ISM1: variants seen among roughly 807,000 people sequenced by gnomAD.
ISM1 encodes the protein isthmin-1.
ISM1 carries 25 observed loss-of-function variants against 46.3 expected under a neutral mutation model. That is an observed-to-expected ratio of 0.54 (90% confidence interval 0.39 to 0.75). The LOEUF is 0.75. ISM1 is among the 30% of genes least tolerant of loss of function. The pLI is 0.00. For missense variants in ISM1, 536 were observed against 625.4 expected (o/e 0.86, Z 1.52); for synonymous variants, 255 against 256.7 (o/e 0.99, Z 0.06).
downstream of ISM1, among the ~76,000 whole-genome samples, chr20:13,304,936 G>C (rs73082237): frequency 8.6e-5 from 13 of 152,024 alleles, no homozygotes; most frequent in Non-Finnish European, 1.5e-4. Context: ...CTTGCTCAGC[G>C]CCATCTCTCA....
intron 3 of ISM1, 88 bp from the exon 4 acceptor site, chr20:13,288,452 A>G (rs1228609633): frequency 5.1e-6 from 7 of 1,385,172 alleles, no homozygotes; most frequent in Non-Finnish European, 7.0e-6. Flanking sequence ...CGAGAAGGAT[A>G]GAAGTGAATA....
Position 13,237,089 on chromosome 20 carries a change from A to G in ISM1, c.138+15175A>G, listed in dbSNP as rs186438865. ...ACATTTCCCTTCTGCACTGCCCTAG[A>G]AGAGGTTCTTCATGAGGACCCTGCC... On this transcript the variant is annotated intron_variant, in intron 1 of 5. Transcript: ENST00000262487. Among the ~76,000 whole-genome samples the G allele has an allele frequency of 3.1e-3, 465 of 152,298 alleles. 2 individuals carry two copies. The highest frequency in any genetic ancestry group is 0.011 in the African/African-American group (451 of 41,572).
At chr20:13,285,973 G>A (rs1356314037) in intron 3 of ISM1, among the ~76,000 whole-genome samples, 1 of 152,146 alleles carries the variant, frequency 6.6e-6, no homozygotes, top group Non-Finnish European at 1.5e-5. Context: ...GCAAAGCCAA[G>A]AACACCATTT....
the ISM1 span, among the ~76,000 whole-genome samples, chr20:13,314,127 A>G: frequency 6.6e-6 from 1 of 152,182 alleles, no homozygotes; most frequent in East Asian, 1.9e-4. Flanking sequence ...CAGAACAGTC[A>G]AGACTTAGAG....
At chr20:13,280,460 A>G (rs2040227710) in intron 3 of ISM1, among the ~76,000 whole-genome samples, 1 of 147,724 alleles carries the variant, frequency 6.8e-6, no homozygotes, top group African/African-American at 2.5e-5. Context: ...TGGGAGTAGG[A>G]TAAGTGAGGT....
intron 2 of ISM1, among the ~76,000 whole-genome samples, chr20:13,277,470 T>C (rs896888022): frequency 6.6e-6 from 1 of 152,174 alleles, no homozygotes; most frequent in Non-Finnish European, 1.5e-5. Context: ...AGCATCGCCC[T>C]GTCACTGCCC....
chr20:13,254,253 A>G (rs1394108490), intron 1 of ISM1, among the ~76,000 whole-genome samples: 1 of 151,584 alleles, frequency 6.6e-6, no homozygotes, highest in Admixed American at 6.6e-5. Context: ...AAATAAATAA[A>G]TAAAGCAAAT....
At chr20:13,303,096 G>A (rs2040472440), downstream of ISM1, among the ~76,000 whole-genome samples, 1 of 152,146 alleles carries the variant, frequency 6.6e-6, no homozygotes, top group African/African-American at 2.4e-5. Context: ...TATAGATAAG[G>A]AAAAGAAGCC....
At chr20:13,285,509 G>T (rs547401543) in intron 3 of ISM1, among the ~76,000 whole-genome samples, 1 of 152,202 alleles carries the variant, frequency 6.6e-6, no homozygotes, top group South Asian at 2.1e-4. Context: ...TCTCTCCACT[G>T]GTCCCTCCCC....
rs1233926581 is a variant in ISM1, at chr20:13,268,154, C to CT, written c.139-2350_139-2349insT. ...CTCTTCTCTTCTCTTCTCTTCTCTT[C>CT]CCTTCCCTTCTCTCCTCTCCTCTCC... On this transcript the variant is annotated intron_variant, in intron 1 of 5. Coordinates refer to ENST00000262487, the MANE Select transcript of ISM1 (RefSeq NM_080826.2). 4.4e-3 allele frequency among the ~76,000 whole-genome samples: 660 copies of CT among 149,044 alleles called. 6 individuals carry two copies. The highest frequency in any genetic ancestry group is 0.014 in the African/African-American group (545 of 40,238).
chr20:13,280,950 G>T (rs1225086475), intron 3 of ISM1, among the ~76,000 whole-genome samples: 2 of 152,206 alleles, frequency 1.3e-5, no homozygotes, highest in Non-Finnish European at 2.9e-5. Context: ...ACTTTGGAAT[G>T]AGCAGTATAT....
chr20:13,229,374 G>A (rs112608586), intron 1 of ISM1, among the ~76,000 whole-genome samples: 3,008 of 152,178 alleles, frequency 0.02, 41 homozygotes, highest in Non-Finnish European at 0.022. Context: ...TTCCATTACC[G>A]TAGATTAGTT....
intron 1 of ISM1, among the ~76,000 whole-genome samples, chr20:13,231,715 A>G (rs984825364): frequency 2.0e-5 from 3 of 152,324 alleles, no homozygotes; most frequent in African/African-American, 7.2e-5. Flanking sequence ...ACACACATCC[A>G]TTAGACAGCA....
chr20:13,268,475 C>T (rs1454816415), intron 1 of ISM1, among the ~76,000 whole-genome samples: 14 of 151,858 alleles, frequency 9.2e-5, no homozygotes, highest in African/African-American at 3.4e-4. Flanking sequence ...GTCAGGGCAA[C>T]TCCCTCTACC....
chr20:13,311,544 T>C, the ISM1 span, among the ~76,000 whole-genome samples: 4 of 152,228 alleles, frequency 2.6e-5, no homozygotes, highest in Admixed American at 6.5e-5. Flanking sequence ...TAAGTGTTCA[T>C]ATACAGATAA....
chr20:13,274,245 C>A (rs1169531731), intron 2 of ISM1, among the ~76,000 whole-genome samples: 4 of 152,162 alleles, frequency 2.6e-5, no homozygotes, highest in African/African-American at 9.7e-5. Flanking sequence ...GCCCTCACCC[C>A]TTCCTCAGAG....
At chr20:13,291,451 C>T (rs574607513) in intron 4 of ISM1, among the ~76,000 whole-genome samples, 1 of 152,270 alleles carries the variant, frequency 6.6e-6, no homozygotes, top group African/African-American at 2.4e-5. Flanking sequence ...TTTGAGGTGC[C>T]TCACATAAAA....
At chr20:13,293,034 C>T (rs893956171) in intron 5 of ISM1, among the ~76,000 whole-genome samples, 6 of 151,798 alleles carry the variant, frequency 4.0e-5, no homozygotes, top group African/African-American at 1.5e-4. Flanking sequence ...CCCGTCTCTA[C>T]TAAAAATACA....
rs151080708 is a variant in ISM1, at chr20:13,272,471, T to C, written c.378+1728T>C. Among the ~76,000 whole-genome samples, 854 of 152,258 alleles carry C rather than the reference T, an allele frequency of 5.6e-3. 29 individuals carry two copies. The highest frequency in any genetic ancestry group is 0.048 in the Admixed American group (740 of 15,298). On this transcript the variant is annotated intron_variant, in intron 2 of 5. Transcript: ENST00000262487. ...AGATCCCAGCTACCACATAAAACAGTGCTGGAGGGATCATGAAGACAGAGG... is the reference window on the plus strand; with the variant it reads ...AGATCCCAGCTACCACATAAAACAGCGCTGGAGGGATCATGAAGACAGAGG...
Sources: allele counts gnomAD v4.1 joint callset (sites outside exome capture counted in the v4.1 genomes callset), GRCh38; gene constraint gnomAD v4.1.1; transcripts MANE v1.5; gene names NCBI Gene and HGNC (gene_info 2026-07-23, HGNC 2026-07-21).